The following TENM4 variants were observed in gnomAD, a reference collection of about 807,000 sequenced individuals.
TENM4 encodes teneurin transmembrane protein 4.
Under a neutral mutation model 243.3 loss-of-function variants are expected in TENM4, and 82 were observed. The ratio of observed to expected loss-of-function variants is 0.34; its 90% CI spans 0.28 to 0.40. TENM4 has a LOEUF of 0.40. Ranked by LOEUF, TENM4 falls within the 10% of genes least tolerant of loss-of-function variation. The probability of loss-of-function intolerance (pLI) is 1.00; values close to 1 mark genes in which losing one functional copy is unlikely to be tolerated. For synonymous variants in TENM4, 1,412 were observed against 1,456.3 expected (o/e 0.97, Z 0.69); for missense variants, 3,138 against 3,673.3 (o/e 0.85, Z 3.77).
chr11:79,258,231 C>T (rs1433685379), intron 2 of TENM4, among the ~76,000 whole-genome samples: 1 of 152,156 alleles, frequency 6.6e-6, no homozygotes, highest in Non-Finnish European at 1.5e-5. Flanking sequence ...CTTTCTGAGC[C>T]TTGATTTCAT....
chr11:78,670,016 T>C lies in TENM4; in HGVS notation c.6329A>G (p.Tyr2110Cys). 1.2e-6 allele frequency: 2 copies of C among 1,613,984 alleles called. No homozygotes were observed. The highest frequency in any genetic ancestry group is 1.7e-6 in the Non-Finnish European group (2 of 1,179,892). Residue 2110 changes from tyrosine (Y) to cysteine (C), a missense_variant, in exon 32 of 34, where the codon TAT becomes TGT. Transcript: ENST00000278550. Reference protein sequence around the residue: ...ETPLPIDLYRYDDVSGKTEQF... With the variant: ...ETPLPIDLYRCDDVSGKTEQF... Reference sequence around the variant, plus strand: ...CTCTGTCTTGCCTGACACATCATCATAGCGATAGAGATCAATGGGCAGTGG... The same window carrying C: ...CTCTGTCTTGCCTGACACATCATCACAGCGATAGAGATCAATGGGCAGTGG...
intron 7 of TENM4, among the ~76,000 whole-genome samples, chr11:78,895,316 G>A (rs940015054): frequency 6.7e-6 from 1 of 148,344 alleles, no homozygotes; most frequent in Non-Finnish European, 1.5e-5. Flanking sequence ...CAGCCTGGGC[G>A]ACAGAGTGAG....
intron 1 of TENM4, among the ~76,000 whole-genome samples, chr11:79,391,821 C>T (rs571519567): frequency 1.3e-5 from 2 of 152,274 alleles, no homozygotes; most frequent in East Asian, 3.9e-4. Context: ...ACACACCTCA[C>T]CCCAAGGGCT....
At chr11:79,206,229 G>C (rs1250660924) in intron 3 of TENM4, among the ~76,000 whole-genome samples, 4 of 152,192 alleles carry the variant, frequency 2.6e-5, no homozygotes, top group African/African-American at 9.7e-5. Context: ...TGTTCCCAGA[G>C]AAGGCAGAAG....
At chr11:79,111,650 A>C (rs2137106866) in intron 4 of TENM4, among the ~76,000 whole-genome samples, 1 of 152,316 alleles carries the variant, frequency 6.6e-6, no homozygotes, top group South Asian at 2.1e-4. Context: ...GTGAAAACAA[A>C]CTGATATACT....
In TENM4 at chr11:79,300,319, C is replaced by T. The variant is rs78296726; in HGVS notation, c.-320-2776G>A. 4.5e-3 allele frequency among the ~76,000 whole-genome samples: 681 copies of T among 152,296 alleles called. 6 individuals carry two copies. Among genetic ancestry groups the T allele is most frequent in the African/African-American group, 0.016 (654 of 41,550 alleles). ...CTTTACAAGGTGGGATCATACCATA[C>T]AAGCTAATTTTAATCTCTCTTTAAT... On this transcript the variant is annotated intron_variant, in intron 1 of 33. Coordinates refer to ENST00000278550, the MANE Select transcript of TENM4 (RefSeq NM_001098816.3).
intron 6 of TENM4, among the ~76,000 whole-genome samples, chr11:78,945,526 C>A (rs1187944882): frequency 6.6e-6 from 1 of 152,130 alleles, no homozygotes; most frequent in Non-Finnish European, 1.5e-5. Flanking sequence ...CAATTAATAA[C>A]CCTACAATGG....
chr11:79,004,305 A>G (rs550452600), intron 6 of TENM4, among the ~76,000 whole-genome samples: 1 of 152,354 alleles, frequency 6.6e-6, no homozygotes, highest in African/African-American at 2.4e-5. Flanking sequence ...ACAGATATCT[A>G]CAGAACTCTC....
intron 1 of TENM4, among the ~76,000 whole-genome samples, chr11:79,337,573 A>C (rs541643475): frequency 2.6e-5 from 4 of 152,206 alleles, no homozygotes; most frequent in African/African-American, 4.8e-5. Flanking sequence ...GTTATTGAGA[A>C]GGCCAGGGTA....
intron 26 of TENM4, among the ~76,000 whole-genome samples, chr11:78,708,969 CTT>C (rs59269770): frequency 5.3e-5 from 6 of 113,086 alleles, no homozygotes; most frequent in Admixed American, 9.5e-5. Context: ...CTTTTTCTTT[CTT>C]TTTTTTTTTT....
chr11:79,367,156 A>G (rs948105820), intron 1 of TENM4, among the ~76,000 whole-genome samples: 5 of 152,164 alleles, frequency 3.3e-5, no homozygotes, highest in Non-Finnish European at 5.9e-5. Flanking sequence ...CCATTTCCTT[A>G]TCTGTAAAAT....
intron 2 of TENM4, among the ~76,000 whole-genome samples, chr11:79,288,796 T>C (rs1856303904): frequency 1.3e-5 from 2 of 151,732 alleles, no homozygotes; most frequent in Admixed American, 1.3e-4. Context: ...TGATTGGAAA[T>C]ATAAAACTAG....
intron 3 of TENM4, among the ~76,000 whole-genome samples, chr11:79,183,982 G>T (rs1863336829): frequency 6.6e-6 from 1 of 152,176 alleles, no homozygotes; most frequent in South Asian, 2.1e-4. Flanking sequence ...ATGATCTTAT[G>T]ATCCAACTAT....
At chr11:79,132,638 C>G (rs979738356) in intron 4 of TENM4, among the ~76,000 whole-genome samples, 1 of 151,914 alleles carries the variant, frequency 6.6e-6, no homozygotes, top group South Asian at 2.1e-4. Context: ...TAAATTATAT[C>G]GAGCTCTGTC....
At chr11:78,849,672 C>T (rs1326603642) in intron 12 of TENM4, among the ~76,000 whole-genome samples, 1 of 152,116 alleles carries the variant, frequency 6.6e-6, no homozygotes, top group African/African-American at 2.4e-5. Flanking sequence ...AGGCAAATTG[C>T]TAAAGGAGGA....
chr11:79,193,854 T>A (rs764491119), intron 3 of TENM4, among the ~76,000 whole-genome samples: 2 of 152,184 alleles, frequency 1.3e-5, no homozygotes, highest in South Asian at 4.2e-4. Context: ...AGGAGGGGTA[T>A]GAAGGATGGG....
chr11:79,386,402 AG>A (rs1199137365), intron 1 of TENM4, among the ~76,000 whole-genome samples: 3 of 152,212 alleles, frequency 2.0e-5, no homozygotes, highest in Non-Finnish European at 2.9e-5. Flanking sequence ...AAAAGGAAAA[AG>A]GTTAATAAAC....
chr11:78,942,028 G>T (rs1413975444), intron 6 of TENM4, among the ~76,000 whole-genome samples: 1 of 150,884 alleles, frequency 6.6e-6, no homozygotes, highest in Non-Finnish European at 1.5e-5. Flanking sequence ...CAATCTTTTG[G>T]CTTTCCCTGG....
intron 6 of TENM4, among the ~76,000 whole-genome samples, chr11:78,951,777 A>G (rs901065912): frequency 6.6e-6 from 1 of 152,138 alleles, no homozygotes; most frequent in African/African-American, 2.4e-5. Context: ...CTTATCTCTG[A>G]TGCCATCACA....
Sources: gnomAD v4.1 joint callset for allele counts (sites outside exome capture counted in the v4.1 genomes callset) on GRCh38, gnomAD v4.1.1 for gene constraint, MANE v1.5 for transcripts, NCBI Gene and HGNC (gene_info 2026-07-23, HGNC 2026-07-21) for gene names.